Variants in SAMD12 observed in about 807,000 individuals in gnomAD.
SAMD12 encodes the protein sterile alpha motif domain-containing protein 12.
SAMD12 carries 9 observed loss-of-function variants against 15.0 expected under a neutral mutation model. The observed-to-expected ratio is 0.60, with a 90% confidence interval of 0.36 to 1.05. The LOEUF is 1.05. Among genes scored for constraint, SAMD12 ranks in the 50% least tolerant of loss-of-function variants. The probability of loss-of-function intolerance (pLI) is 0.01; values close to 1 mark genes in which losing one functional copy is unlikely to be tolerated. For synonymous variants in SAMD12, 86 were observed against 90.1 expected (o/e 0.96, Z 0.25); for missense variants, 230 against 234.2 (o/e 0.98, Z 0.12).
intron 3 of SAMD12, among the ~76,000 whole-genome samples, chr8:118,410,708 C>T (rs150286685): frequency 1.6e-4 from 24 of 152,236 alleles, no homozygotes; most frequent in African/African-American, 5.3e-4. Flanking sequence ...GGTGAATACC[C>T]GAGAATGGCT....
chr8:118,446,386 C>T (rs543072003), intron 2 of SAMD12, among the ~76,000 whole-genome samples: 1 of 152,208 alleles, frequency 6.6e-6, no homozygotes, highest in African/African-American at 2.4e-5. Flanking sequence ...AGAGTCCAAT[C>T]CACTTTAAGA....
At chr8:118,577,233 C>T (rs986272854) in intron 2 of SAMD12, among the ~76,000 whole-genome samples, 1 of 152,104 alleles carries the variant, frequency 6.6e-6, no homozygotes, top group Non-Finnish European at 1.5e-5. Context: ...GGCCAGACAA[C>T]CTTTTTCTTC....
At chr8:118,174,187 T>C in the SAMD12 span, among the ~76,000 whole-genome samples, 1 of 152,210 alleles carries the variant, frequency 6.6e-6, no homozygotes, top group Non-Finnish European at 1.5e-5. Flanking sequence ...GAGGATTCAA[T>C]GGGGCAATGT....
At chr8:118,384,405 G>A (rs1356461472) in intron 3 of SAMD12, among the ~76,000 whole-genome samples, 2 of 152,340 alleles carry the variant, frequency 1.3e-5, no homozygotes, top group South Asian at 2.1e-4. Context: ...GCAAGGAGGA[G>A]TCCGCGGACT....
intron 2 of SAMD12, among the ~76,000 whole-genome samples, chr8:118,533,049 C>A (rs1180990694): frequency 6.6e-6 from 1 of 152,094 alleles, no homozygotes; most frequent in Non-Finnish European, 1.5e-5. Flanking sequence ...AATTTTAGAT[C>A]TTTCCTGCTT....
the SAMD12 span, among the ~76,000 whole-genome samples, chr8:118,137,117 C>T: frequency 1.3e-5 from 2 of 152,308 alleles, no homozygotes; most frequent in Non-Finnish European, 2.9e-5. Context: ...GCCCCAGTTA[C>T]AGAATCTTCT....
intron 2 of SAMD12, among the ~76,000 whole-genome samples, chr8:118,479,230 CTG>C (rs1226068723): frequency 1.3e-5 from 2 of 152,160 alleles, no homozygotes; most frequent in African/African-American, 2.4e-5. Flanking sequence ...GCCAGACACA[CTG>C]TGCCTCAGGA....
At chr8:118,217,152 C>T (rs536149353) in intron 4 of SAMD12, among the ~76,000 whole-genome samples, 28 of 152,228 alleles carry the variant, frequency 1.8e-4, no homozygotes, top group Admixed American at 5.2e-4. Flanking sequence ...TACAGATGCA[C>T]ACCACCACAC....
intron 4 of SAMD12, among the ~76,000 whole-genome samples, chr8:118,262,797 A>G (rs1018490964): frequency 3.9e-5 from 6 of 152,078 alleles, no homozygotes; most frequent in Admixed American, 6.6e-5. Context: ...CATGGTAGGT[A>G]ATAATCGTTG....
chr8:118,463,457 G>T (rs1040041670), intron 2 of SAMD12, among the ~76,000 whole-genome samples: 8 of 152,142 alleles, frequency 5.3e-5, no homozygotes, highest in Non-Finnish European at 1.0e-4. Flanking sequence ...AGCAGGTGGC[G>T]AGTGGGCAGG....
At chr8:118,468,397 G>A (rs1476513839) in intron 2 of SAMD12, among the ~76,000 whole-genome samples, 1 of 152,142 alleles carries the variant, frequency 6.6e-6, no homozygotes, top group Non-Finnish European at 1.5e-5. Flanking sequence ...AAAAACGCCA[G>A]TGTCTTTCAA....
At chr8:118,536,933 C>T (rs1470242100) in intron 2 of SAMD12, among the ~76,000 whole-genome samples, 1 of 152,192 alleles carries the variant, frequency 6.6e-6, no homozygotes, top group Non-Finnish European at 1.5e-5. Flanking sequence ...GATTCAAGAA[C>T]TTCCCTTAGT....
intron 4 of SAMD12, among the ~76,000 whole-genome samples, chr8:118,302,829 C>T (rs1815118186): frequency 6.6e-6 from 1 of 152,172 alleles, no homozygotes; most frequent in African/African-American, 2.4e-5. Context: ...ATCAGTAAGA[C>T]CAATCCTTTA....
At chr8:118,493,536 A>G (rs1005964666) in intron 2 of SAMD12, among the ~76,000 whole-genome samples, 4 of 152,322 alleles carry the variant, frequency 2.6e-5, no homozygotes, top group Non-Finnish European at 4.4e-5. Context: ...CTTAAAATCT[A>G]TGAATGTGTT....
At chr8:118,513,204 A>G (rs1258911828) in intron 2 of SAMD12, among the ~76,000 whole-genome samples, 1 of 152,192 alleles carries the variant, frequency 6.6e-6, no homozygotes, top group African/African-American at 2.4e-5. Flanking sequence ...AACCCATACA[A>G]ATTAAATCAC....
chr8:118,133,239 G>T, the SAMD12 span, among the ~76,000 whole-genome samples: 1 of 151,500 alleles, frequency 6.6e-6, no homozygotes, highest in African/African-American at 2.4e-5. Flanking sequence ...CATGTAGAAG[G>T]CATTCAATAA....
intron 3 of SAMD12, among the ~76,000 whole-genome samples, chr8:118,424,470 T>C (rs1294008770): frequency 6.6e-6 from 1 of 152,200 alleles, no homozygotes; most frequent in Non-Finnish European, 1.5e-5. Flanking sequence ...GAATGGAATG[T>C]ATTCTATTGC....
intron 2 of SAMD12, among the ~76,000 whole-genome samples, chr8:118,512,740 T>C (rs1185281837): frequency 6.6e-6 from 1 of 152,232 alleles, no homozygotes; most frequent in East Asian, 1.9e-4. Flanking sequence ...CTTGCCCTTT[T>C]GTGCCTCTTT....
chr8:118,425,220 G>A (rs890988381), intron 3 of SAMD12, among the ~76,000 whole-genome samples: 2 of 152,264 alleles, frequency 1.3e-5, no homozygotes, highest in East Asian at 3.9e-4. Flanking sequence ...TTACAGGCGT[G>A]AGCCACCGTG....
Sources: allele counts gnomAD v4.1 joint callset (sites outside exome capture counted in the v4.1 genomes callset), GRCh38; gene constraint gnomAD v4.1.1; transcripts MANE v1.5; gene names NCBI Gene and HGNC (gene_info 2026-07-23, HGNC 2026-07-21).